NTRK2: variants seen among roughly 807,000 people sequenced by gnomAD.
NTRK2 encodes BDNF/NT-3 growth factors receptor.
Under a neutral mutation model 94.5 loss-of-function variants are expected in NTRK2, and 13 were observed. The observed-to-expected ratio is 0.14, with a 90% CI of 0.09 to 0.22. The LOEUF (loss-of-function observed/expected upper bound fraction) is 0.22, where lower values mean the gene tolerates loss of function less well. NTRK2 is among the 10% of genes least tolerant of loss of function. NTRK2 has a pLI of 1.00. For missense variants in NTRK2, 639 were observed against 1,071.2 expected (o/e 0.60, Z 5.63); for synonymous variants, 372 against 407.4 (o/e 0.91, Z 1.05).
chr9:84,874,161 T>G, intron 14 of NTRK2: 1 of 1,065,152 alleles, frequency 9.4e-7, no homozygotes, highest in Admixed American at 5.3e-5. Flanking sequence ...GATTGGCCAC[T>G]CTTGCATGTG....
chr9:84,934,604 T>G (rs1425621761), intron 15 of NTRK2, among the ~76,000 whole-genome samples: 2 of 152,106 alleles, frequency 1.3e-5, no homozygotes, highest in Admixed American at 1.3e-4. Flanking sequence ...ACCAGCTGAG[T>G]CCTTCCTGAA....
chr9:85,013,304 ATTG>A (rs1831839651), intron 17 of NTRK2, among the ~76,000 whole-genome samples: 1 of 152,026 alleles, frequency 6.6e-6, no homozygotes, highest in Non-Finnish European at 1.5e-5. Flanking sequence ...TTTTGTGGAC[ATTG>A]TTTCTTTTTT....
intron 12 of NTRK2, among the ~76,000 whole-genome samples, chr9:84,777,456 C>G (rs1306440969): frequency 6.6e-6 from 1 of 152,180 alleles, no homozygotes; most frequent in East Asian, 1.9e-4. Flanking sequence ...TGGGTGTCCA[C>G]AAAGAGCCTG....
At chr9:84,854,248 A>C in intron 12 of NTRK2, among the ~76,000 whole-genome samples, 1 of 152,108 alleles carries the variant, frequency 6.6e-6, no homozygotes, top group East Asian at 1.9e-4. Context: ...CCATCACTCC[A>C]AGTTCCCCAG....
intron 14 of NTRK2, among the ~76,000 whole-genome samples, chr9:84,903,212 G>C (rs1012973908): frequency 2.0e-5 from 3 of 152,178 alleles, no homozygotes; most frequent in African/African-American, 7.2e-5. Flanking sequence ...AAGGTCTGTT[G>C]GTGCTTGTGG....
At chr9:84,958,462 A>T (rs770291282) in intron 17 of NTRK2, among the ~76,000 whole-genome samples, 1 of 152,256 alleles carries the variant, frequency 6.6e-6, no homozygotes, top group Non-Finnish European at 1.5e-5. Flanking sequence ...TTCTGAAATG[A>T]TCGGAAGAAT....
chr9:84,805,492 G>A (rs1367368728), intron 12 of NTRK2, among the ~76,000 whole-genome samples: 1 of 152,166 alleles, frequency 6.6e-6, no homozygotes, highest in Non-Finnish European at 1.5e-5. Flanking sequence ...CTATACTTCT[G>A]AGAAAAATGT....
At chr9:84,853,659 G>A (rs2074899941) in intron 12 of NTRK2, among the ~76,000 whole-genome samples, 1 of 152,168 alleles carries the variant, frequency 6.6e-6, no homozygotes. Flanking sequence ...GGAGATAGTG[G>A]TAAATTACAC....
In NTRK2 at chr9:84,885,400, T is replaced by G. The variant is rs79304429; in HGVS notation, c.1633+17969T>G. 3.5e-3 allele frequency among the ~76,000 whole-genome samples: 533 copies of G among 152,310 alleles called. 13 individuals carry two copies. In the East Asian group the frequency reaches 0.074, roughly 21 times the overall value. ...AGAATGGCTATCATACAAACACAAT[T>G]TCAGCGGGTCTTTATATTAAAGACA... On this transcript the variant is annotated intron_variant, in intron 14 of 18. Coordinates refer to ENST00000277120, the MANE Select transcript of NTRK2 (RefSeq NM_006180.6).
chr9:85,026,303 A>G lies in NTRK2; in HGVS notation c.*4866A>G, dbSNP rs11140830. 0.084 allele frequency: 19,460 copies of G among 231,580 alleles called. 1,073 individuals carry two copies. Among genetic ancestry groups the G allele is most frequent in the Middle Eastern group, 0.18 (138 of 776 alleles). The allele number at this position is 231,580 out of a possible 1,614,324, so 14.3% of individuals were successfully genotyped here. A position where few individuals can be genotyped will look rare whatever the true frequency, so the allele number is the denominator to read the frequency against. ...AGTCTATGCGTTTGAGGCCAGGTCCATGTTTATTTATTTCTTTAGTCTATG... is the reference window on the plus strand; with the variant it reads ...AGTCTATGCGTTTGAGGCCAGGTCCGTGTTTATTTATTTCTTTAGTCTATG... On this transcript the variant is annotated 3_prime_UTR_variant, in exon 19 of 19. Coordinates refer to ENST00000277120, the MANE Select transcript of NTRK2 (RefSeq NM_006180.6).
chr9:84,878,232 T>C (rs1297645726), intron 14 of NTRK2, among the ~76,000 whole-genome samples: 1 of 152,144 alleles, frequency 6.6e-6, no homozygotes, highest in Non-Finnish European at 1.5e-5. Context: ...ATGAAGAAAA[T>C]ATCAAAATTT....
At chr9:84,868,053 TC>T (rs1217719790) in intron 14 of NTRK2, among the ~76,000 whole-genome samples, 1 of 152,242 alleles carries the variant, frequency 6.6e-6, no homozygotes, top group African/African-American at 2.4e-5. Context: ...TTGAGATTTT[TC>T]TAAGGGCCTT....
chr9:84,852,626 ATC>A (rs1425753218), intron 12 of NTRK2, among the ~76,000 whole-genome samples: 1 of 152,176 alleles, frequency 6.6e-6, no homozygotes, highest in Non-Finnish European at 1.5e-5. Context: ...TAAAGAAAAA[ATC>A]TTTCTGGAAT....
At position 84,780,037 on chromosome 9, in the gene NTRK2, C is replaced by G. The variant is rs192397565; in HGVS notation, c.1396+27952C>G. ...TAGAAAATAAGGCATTATAATGGGACTCTGCGGTTTTTTTTTTCCTTAAAA... is the reference window on the plus strand; with the variant it reads ...TAGAAAATAAGGCATTATAATGGGAGTCTGCGGTTTTTTTTTTCCTTAAAA... On this transcript the variant is annotated intron_variant, in intron 12 of 18. Coordinates refer to ENST00000277120, the MANE Select transcript of NTRK2 (RefSeq NM_006180.6). 1.9e-4 allele frequency among the ~76,000 whole-genome samples: 29 copies of G among 151,844 alleles called. No homozygotes were observed. The East Asian group carries it at 2.9e-3, about 15-fold the overall frequency.
chr9:85,015,311 T>C (rs1400178361), intron 17 of NTRK2, among the ~76,000 whole-genome samples: 1 of 152,146 alleles, frequency 6.6e-6, no homozygotes. Context: ...TTAGAGAGAC[T>C]TTATACTCCT....
chr9:84,926,946 T>G (rs973089969), intron 14 of NTRK2, among the ~76,000 whole-genome samples: 2 of 152,234 alleles, frequency 1.3e-5, no homozygotes, highest in Non-Finnish European at 2.9e-5. Context: ...TTCTTATTGA[T>G]CTCTGTTATG....
At chr9:84,713,881 T>C (rs2131871125) in intron 6 of NTRK2, among the ~76,000 whole-genome samples, 1 of 149,588 alleles carries the variant, frequency 6.7e-6, no homozygotes, top group Non-Finnish European at 1.5e-5. Context: ...CGTAACTAGA[T>C]GTGGGTTTTT....
intron 2 of NTRK2, among the ~76,000 whole-genome samples, chr9:84,689,027 A>G (rs190825474): frequency 3.9e-5 from 6 of 152,340 alleles, no homozygotes; most frequent in Non-Finnish European, 7.3e-5. Context: ...ATAGAAAAGC[A>G]TTACTGTGAG....
chr9:84,954,565 T>C (rs1823868226), intron 16 of NTRK2, among the ~76,000 whole-genome samples: 2 of 152,202 alleles, frequency 1.3e-5, no homozygotes, highest in South Asian at 4.1e-4. Context: ...CCATAGCCTG[T>C]GTTGAGCGGA....
Sources: allele counts gnomAD v4.1 joint callset (sites outside exome capture counted in the v4.1 genomes callset), GRCh38; gene constraint gnomAD v4.1.1; transcripts MANE v1.5; gene names NCBI Gene and HGNC (gene_info 2026-07-23, HGNC 2026-07-21).